Variants in ALOX12B observed in about 807,000 individuals in gnomAD.
The protein encoded by ALOX12B is arachidonate 12-lipoxygenase, 12R-type.
ALOX12B carries 47 observed loss-of-function variants against 78.9 expected under a neutral mutation model. That is an observed-to-expected ratio of 0.60 (90% CI 0.47 to 0.76). The LOEUF (loss-of-function observed/expected upper bound fraction) is 0.76. Among genes scored for constraint, ALOX12B ranks in the 30% least tolerant of loss-of-function variants. ALOX12B has a pLI of 0.00. For missense variants in ALOX12B, 805 were observed against 922.6 expected (o/e 0.87, Z 1.65); for synonymous variants, 370 against 374.5 (o/e 0.99, Z 0.14).
Position 8,080,768 on chromosome 17 carries a change from A to G in ALOX12B, c.540T>C (p.Tyr180=). Residue 180 remains tyrosine (Y), a synonymous_variant, in exon 5 of 15, where the codon TAT becomes TAC. Transcript: ENST00000647874. The surrounding 1 kb of genome is among the most constrained non-coding windows in gnomAD (Gnocchi z 4.8). ...RNPNRPEWNG[Y]IPGFPILINF... ...TGATGAGAATTGGGAATCCCGGAATATAGCCATTCCACCTGTGGGGAGAAG... is the reference window on the plus strand; with the variant it reads ...TGATGAGAATTGGGAATCCCGGAATGTAGCCATTCCACCTGTGGGGAGAAG... 6.2e-7 allele frequency: 1 copy of G among 1,614,142 alleles called. No homozygotes were observed. The highest frequency in any genetic ancestry group is 8.5e-7 in the Non-Finnish European group (1 of 1,180,028).
chr17:8,074,020 T>G (rs2151821233), intron 12 of ALOX12B, among the ~76,000 whole-genome samples: 1 of 152,176 alleles, frequency 6.6e-6, no homozygotes, highest in Non-Finnish European at 1.5e-5. Context: ...CCCTCAGATC[T>G]CTCTTCCAGT....
intron 8 of ALOX12B, among the ~76,000 whole-genome samples, chr17:8,077,638 C>T (rs929779785): frequency 6.6e-6 from 1 of 152,240 alleles, no homozygotes. Flanking sequence ...CCCATCCCCC[C>T]AGAGGGAGCC....
chr17:8,078,302 C>T (rs944726046), intron 8 of ALOX12B, among the ~76,000 whole-genome samples: 1 of 151,478 alleles, frequency 6.6e-6, no homozygotes, highest in African/African-American at 2.4e-5. Flanking sequence ...CCGCCCCCGA[C>T]CATGCCCAGC....
In ALOX12B at chr17:8,078,115, T is replaced by TTTTATTTA. The variant is rs200983287; in HGVS notation, c.1072-930_1072-923dup. On this transcript the variant is annotated intron_variant, in intron 8 of 14. Transcript: ENST00000647874. Reference sequence around the variant, plus strand: ...TCCAGAAAGGATCTATTTTATTTCATTTTATTTATTTATTTATTTATTTAT... The same window carrying TTTTATTTA: ...TCCAGAAAGGATCTATTTTATTTCATTTTATTTATTTATTTATTTATTTATTTATTTAT... 5.5e-3 allele frequency among the ~76,000 whole-genome samples: 794 copies of TTTTATTTA among 143,258 alleles called. 1 individual carries two copies. The highest frequency in any genetic ancestry group is 7.7e-3 in the Non-Finnish European group (503 of 65,404). The allele number at this position is 143,258 out of a possible 152,430, so 94.0% of individuals were successfully genotyped here. A position where few individuals can be genotyped will look rare whatever the true frequency, so the allele number is the denominator to read the frequency against.
At chr17:8,085,244 G>A (rs533972641) in intron 2 of ALOX12B, among the ~76,000 whole-genome samples, 1 of 150,956 alleles carries the variant, frequency 6.6e-6, no homozygotes, top group South Asian at 2.1e-4. Context: ...ACTTTGGGAG[G>A]CTGAGGCAGG....
At position 8,078,115 on chromosome 17, in the gene ALOX12B, TTTTATTTATTTATTTATTTA is replaced by T. The variant is rs200983287; in HGVS notation, c.1072-942_1072-923del. 3.1e-3 allele frequency among the ~76,000 whole-genome samples: 445 copies of T among 143,266 alleles called. 5 individuals carry two copies. Among genetic ancestry groups the T allele is most frequent in the African/African-American group, 0.011 (416 of 39,072 alleles). 94.0% of individuals were successfully genotyped at this position (143,266 alleles called of 152,430 possible). On this transcript the variant is annotated intron_variant, in intron 8 of 14. Transcript: ENST00000647874. Reference sequence around the variant, plus strand: ...TCCAGAAAGGATCTATTTTATTTCATTTTATTTATTTATTTATTTATTTATTTATTTATTTATTTATTTAT... The same window carrying T: ...TCCAGAAAGGATCTATTTTATTTCATTTTATTTATTTATTTATTTATTTAT...
chr17:8,086,448 C>T (rs572292959), intron 1 of ALOX12B, among the ~76,000 whole-genome samples: 1 of 152,294 alleles, frequency 6.6e-6, no homozygotes, highest in African/African-American at 2.4e-5. Flanking sequence ...GACTCCAGCC[C>T]CTCCTTCTCT....
At chr17:8,086,301 AG>A in intron 1 of ALOX12B, 81 bp from the exon 2 acceptor site, 1 of 1,407,832 alleles carries the variant, frequency 7.1e-7, no homozygotes. Context: ...CCCCTCACCT[AG>A]GCCCTGCTCA....
intron 8 of ALOX12B, among the ~76,000 whole-genome samples, chr17:8,078,639 C>CG (rs1255322764): frequency 1.3e-5 from 2 of 152,102 alleles, no homozygotes; most frequent in African/African-American, 4.8e-5. Context: ...CGCTGAGCAG[C>CG]GCACTTTGTA....
At position 8,080,419 on chromosome 17, in the gene ALOX12B, C is replaced by T; in HGVS notation, c.651-81G>A. ...GGGCAGGTGGCGGGGCCGCCCCATC[C>T]ACTTAGGTCTCTGGGTCTCAGGGTC... is the stretch of plus-strand genomic sequence containing the variant. On this transcript the variant is annotated intron_variant, in intron 5 of 14. Transcript: ENST00000647874. This position sits in a 1 kb window ranked among gnomAD's most constrained non-coding sequence, Gnocchi z 4.8. 1 of 1,510,330 alleles carries T rather than the reference C, an allele frequency of 6.6e-7. No individual in the cohort carries two copies. Among genetic ancestry groups the T allele is most frequent in the Non-Finnish European group, 9.2e-7 (1 of 1,086,298 alleles). The allele number at this position is 1,510,330 out of a possible 1,614,324, so 93.6% of individuals were successfully genotyped here. A position where few individuals can be genotyped will look rare whatever the true frequency, so the allele number is the denominator to read the frequency against.
intron 10 of ALOX12B, 131 bp downstream of exon 10, chr17:8,076,526 C>T (rs1395976255): frequency 7.7e-7 from 1 of 1,299,804 alleles, no homozygotes; most frequent in Non-Finnish European, 1.1e-6. Context: ...GGAGAACCAA[C>T]TTCATCCAGC....
At position 8,087,367 on chromosome 17, in the gene ALOX12B, T is replaced by C; in HGVS notation, c.76A>G (p.Ile26Val). The C allele has an allele frequency of 6.2e-7, 1 of 1,614,122 alleles. No individual in the cohort carries two copies. Among genetic ancestry groups the C allele is most frequent in the Non-Finnish European group, 8.5e-7 (1 of 1,180,020 alleles). ...TGGCTCTCTCCTTGTGTCCCCACAA[T>C]GGTCAGTGAGATGGAGTCCCGTGTT... is the stretch of plus-strand genomic sequence containing the variant. ...SGTRDSISLT[I>V]VGTQGESHKQ... The change falls in exon 1 of 15, where the codon ATT becomes GTT. Residue 26 changes from isoleucine (I) to valine (V), a missense_variant. Physicochemically the swap from Ile to Val is conservative, Grantham distance 29. Transcript: ENST00000647874.
Position 8,080,235 on chromosome 17 carries a change from C to G in ALOX12B, c.754G>C (p.Glu252Gln), listed in dbSNP as rs955874016. The change falls in exon 6 of 15, where the codon GAG becomes CAG. Residue 252 changes from glutamate (E) to glutamine (Q), a missense_variant and splice_region_variant. Transcript: ENST00000647874. This position sits in a 1 kb window ranked among gnomAD's most constrained non-coding sequence, Gnocchi z 4.8. ...IFPGKKSVVS[E>Q]YVAEHWAEDT... The stretch of plus-strand genomic sequence containing the variant: ...CGATCCGGGACGCCCCATTCCATAC[C>G]GGAGACGACAGATTTCTTGCCAGGG... The G allele has an allele frequency of 6.2e-7, 1 of 1,614,024 alleles. No homozygotes were observed. The highest frequency in any genetic ancestry group is 8.5e-7 in the Non-Finnish European group (1 of 1,179,864).
In ALOX12B at chr17:8,080,816, G is replaced by A; in HGVS notation, c.528-36C>T. ...AAGCGCAGGGCAACTGGGATCCAGG[G>A]GGCGGGGAGGAGGCAGGCGCCCAGG... On this transcript the variant is annotated intron_variant, in intron 4 of 14. Coordinates refer to ENST00000647874, the MANE Select transcript of ALOX12B (RefSeq NM_001139.3). This position sits in a 1 kb window ranked among gnomAD's most constrained non-coding sequence, Gnocchi z 4.8. The A allele has an allele frequency of 6.2e-7, 1 of 1,614,000 alleles. No homozygotes were observed. Among genetic ancestry groups the A allele is most frequent in the Non-Finnish European group, 8.5e-7 (1 of 1,179,976 alleles).
At position 8,072,766 on chromosome 17, in the gene ALOX12B, C is replaced by T. The variant is rs772035116; in HGVS notation, c.*5G>A. 9.9e-6 allele frequency: 16 copies of T among 1,614,102 alleles called. No individual in the cohort carries two copies. The East Asian group carries it at 2.7e-4, about 27-fold the overall frequency. ...ATGGGGAGAGGAGAGACGGGAAGCG[C>T]GCTCCTAAATAGAAATGCTGTTCTC... On this transcript the variant is annotated 3_prime_UTR_variant, in exon 15 of 15. Coordinates refer to ENST00000647874, the MANE Select transcript of ALOX12B (RefSeq NM_001139.3).
In ALOX12B at chr17:8,077,068, C is replaced by G; in HGVS notation, c.1197G>C (p.Leu399=). The change falls in exon 9 of 15, where the codon CTG becomes CTC. Residue 399 remains leucine, a synonymous_variant. Coordinates refer to ENST00000647874, the MANE Select transcript of ALOX12B (RefSeq NM_001139.3). ...EFYSHEAIAH[L]LETHLIAEAF... ...CCTCAGCAATGAGGTGTGTCTCCAG[C>G]AGGTGGGCGATGGCCTCGTGGCTGT... 6.2e-7 allele frequency: 1 copy of G among 1,614,076 alleles called. No homozygotes were observed. Among genetic ancestry groups the G allele is most frequent in the African/African-American group, 1.3e-5 (1 of 75,056 alleles).
chr17:8,083,955 G>A (rs1455473868), intron 2 of ALOX12B, among the ~76,000 whole-genome samples: 2 of 152,138 alleles, frequency 1.3e-5, no homozygotes, highest in African/African-American at 2.4e-5. Context: ...TCAGGAGATC[G>A]AAACCATCCT....
intron 14 of ALOX12B, 50 bp downstream of exon 14, chr17:8,073,098 C>G: frequency 1.9e-6 from 3 of 1,612,480 alleles, no homozygotes; most frequent in Non-Finnish European, 2.5e-6. Flanking sequence ...CCCCCATCCC[C>G]GGCTTCTGGT....
chr17:8,079,614 G>C lies in ALOX12B; in HGVS notation c.928-75C>G. On this transcript the variant is annotated intron_variant, in intron 7 of 14. Transcript: ENST00000647874. This position sits in a 1 kb window ranked among gnomAD's most constrained non-coding sequence, Gnocchi z 6.4. Reference sequence around the variant, plus strand: ...CGTGACCCGCGCCGCAGGTGCACAGGGCGCTGGCGACTAGGGGCAGGGGTG... The same window carrying C: ...CGTGACCCGCGCCGCAGGTGCACAGCGCGCTGGCGACTAGGGGCAGGGGTG... 6.5e-7 allele frequency: 1 copy of C among 1,540,368 alleles called. No homozygotes were observed. Among genetic ancestry groups the C allele is most frequent in the Non-Finnish European group, 8.8e-7 (1 of 1,140,760 alleles).
Sources: allele counts gnomAD v4.1 joint callset (sites outside exome capture counted in the v4.1 genomes callset), GRCh38; gene constraint gnomAD v4.1.1; non-coding constraint Gnocchi (gnomAD v3.1); transcripts MANE v1.5; gene names NCBI Gene and HGNC (gene_info 2026-07-23, HGNC 2026-07-21).